The following PCMTD1 variants were observed in gnomAD, a reference collection of about 807,000 sequenced individuals.
PCMTD1 encodes protein-L-isoaspartate O-methyltransferase domain-containing protein 1.
Under a neutral mutation model 37.6 loss-of-function variants are expected in PCMTD1, and 12 were observed. The ratio of observed to expected loss-of-function variants is 0.32; its 90% CI spans 0.20 to 0.52. The LOEUF (loss-of-function observed/expected upper bound fraction) is 0.52, where lower values mean the gene tolerates loss of function less well. Among genes scored for constraint, PCMTD1 ranks in the 20% least tolerant of loss-of-function variants. The pLI is 0.97. For synonymous variants in PCMTD1, 117 were observed against 135.8 expected (o/e 0.86, Z 0.96); for missense variants, 235 against 421.3 (o/e 0.56, Z 3.87).
chr8:51,845,298 G>A (rs1460085531), intron 3 of PCMTD1: 2 of 183,642 alleles, frequency 1.1e-5, no homozygotes, highest in South Asian at 1.2e-4. Flanking sequence ...CACCTCTCAT[G>A]TCCTGAAGAG....
intron 2 of PCMTD1, among the ~76,000 whole-genome samples, chr8:51,857,009 A>G (rs2038399937): frequency 6.6e-6 from 1 of 152,264 alleles, no homozygotes; most frequent in Non-Finnish European, 1.5e-5. Flanking sequence ...CGAGCAAGAG[A>G]GAACATGCAT....
At chr8:51,870,943 G>A (rs1261181183) in intron 1 of PCMTD1, among the ~76,000 whole-genome samples, 1 of 152,030 alleles carries the variant, frequency 6.6e-6, no homozygotes. Flanking sequence ...TTACTTAATG[G>A]GGGATCTCCA....
In PCMTD1 at chr8:51,844,138, GA is replaced by G. The variant is rs948518855; in HGVS notation, c.410+1522del. Among the ~76,000 whole-genome samples, 199 of 152,124 alleles carry G rather than the reference GA, an allele frequency of 1.3e-3. 1 individual carries two copies. Among genetic ancestry groups the G allele is most frequent in the African/African-American group, 4.7e-3 (195 of 41,512 alleles). ...GCCACTATAATCCTTAAGACAGAGA[GA>G]AACAATAAAGACACAAAAAGATGCT... On this transcript the variant is annotated intron_variant, in intron 3 of 5. Coordinates refer to ENST00000522514, the MANE Select transcript of PCMTD1 (RefSeq NM_052937.4).
At chr8:51,884,915 C>A (rs890842590) in intron 1 of PCMTD1, among the ~76,000 whole-genome samples, 1 of 152,212 alleles carries the variant, frequency 6.6e-6, no homozygotes, top group Admixed American at 6.5e-5. Context: ...AATTGTAGTT[C>A]TGTAAGTAGT....
chr8:51,868,118 TTAAA>T (rs2038586025), intron 1 of PCMTD1, among the ~76,000 whole-genome samples: 1 of 152,140 alleles, frequency 6.6e-6, no homozygotes, highest in South Asian at 2.1e-4. Flanking sequence ...TTGCTAAAGA[TTAAA>T]TAGGATTTTA....
chr8:51,885,015 C>T (rs933731699), intron 1 of PCMTD1, among the ~76,000 whole-genome samples: 4 of 152,168 alleles, frequency 2.6e-5, no homozygotes, highest in African/African-American at 9.7e-5. Flanking sequence ...TTACACTAAA[C>T]ATTCTCTGCT....
intron 1 of PCMTD1, among the ~76,000 whole-genome samples, chr8:51,872,895 G>C (rs993094179): frequency 1.3e-5 from 2 of 151,988 alleles, no homozygotes; most frequent in Non-Finnish European, 2.9e-5. Context: ...ATCTTTTCTG[G>C]CTTTGGTTTT....
At chr8:51,880,596 A>G (rs2038777725) in intron 1 of PCMTD1, among the ~76,000 whole-genome samples, 4 of 152,120 alleles carry the variant, frequency 2.6e-5, no homozygotes, top group Admixed American at 1.3e-4. Flanking sequence ...TTCAATCTCC[A>G]AAGGAACAAC....
At chr8:51,848,097 A>G (rs115184280) in intron 2 of PCMTD1, among the ~76,000 whole-genome samples, 226 of 152,236 alleles carry the variant, frequency 1.5e-3, no homozygotes, top group African/African-American at 5.3e-3. Flanking sequence ...TTTGTTTTAA[A>G]AGAAGAAAGA....
chr8:51,827,103 A>G (rs979608112), intron 5 of PCMTD1: 1 of 1,003,572 alleles, frequency 1.0e-6, no homozygotes, highest in Non-Finnish European at 1.2e-6. Flanking sequence ...ACTTACTTCT[A>G]CACACCCACA....
intron 2 of PCMTD1, among the ~76,000 whole-genome samples, chr8:51,854,098 G>A (rs1030045595): frequency 1.3e-5 from 2 of 152,132 alleles, no homozygotes; most frequent in Admixed American, 6.5e-5. Flanking sequence ...AAAATGCTCA[G>A]AGAACCACCT....
At chr8:51,837,486 T>C (rs1280035324) in intron 3 of PCMTD1, among the ~76,000 whole-genome samples, 5 of 152,172 alleles carry the variant, frequency 3.3e-5, no homozygotes, top group Non-Finnish European at 5.9e-5. Context: ...AGAGAACTCA[T>C]CTGCCAAACA....
chr8:51,818,830 C>T lies in PCMTD1; in HGVS notation c.*1521G>A, dbSNP rs1350632409. The T allele has an allele frequency of 6.6e-6, 1 of 152,314 alleles. No individual in the cohort carries two copies. The highest frequency in any genetic ancestry group is 1.9e-4 in the East Asian group (1 of 5,208). 9.4% of individuals were successfully genotyped at this position (152,314 alleles called of 1,614,324 possible). On this transcript the variant is annotated 3_prime_UTR_variant, in exon 6 of 6. Coordinates refer to ENST00000522514, the MANE Select transcript of PCMTD1 (RefSeq NM_052937.4). ...ATTACTGGAGCTGAGATTTCTGAAA[C>T]AATATCTGAATCTTAGCAGAGAGAT...
In PCMTD1 at chr8:51,860,903, A is replaced by C; in HGVS notation, c.249T>G (p.Ser83=). Residue 83 remains serine, a synonymous_variant, in exon 2 of 6, where the codon TCT becomes TCG. Transcript: ENST00000522514. Reference sequence around the variant, plus strand: ...CGGTTCCACTTCCCAGGTTAAGAAAAGACAATCCTGGTTGAAGTTTCAATG... The same window carrying C: ...CGGTTCCACTTCCCAGGTTAAGAAACGACAATCCTGGTTGAAGTTTCAATG... ...MEALKLQPGL[S]FLNLGSGTGY... 6.2e-7 allele frequency: 1 copy of C among 1,614,026 alleles called. No individual in the cohort carries two copies. Among genetic ancestry groups the C allele is most frequent in the Non-Finnish European group, 8.5e-7 (1 of 1,179,912 alleles).
intron 2 of PCMTD1, among the ~76,000 whole-genome samples, chr8:51,848,219 TTTCCTATAAGACTCTTA>T (rs1421427978): frequency 6.6e-6 from 1 of 151,846 alleles, no homozygotes. Flanking sequence ...CACTCTTATG[TTTCCTATAAGACTCTTA>T]TGTTCCTGCC....
At chr8:51,841,281 C>T (rs1292697656) in intron 3 of PCMTD1, among the ~76,000 whole-genome samples, 1 of 152,122 alleles carries the variant, frequency 6.6e-6, no homozygotes, top group Non-Finnish European at 1.5e-5. Context: ...TTTATCATCT[C>T]ATTATTGTTT....
chr8:51,826,064 T>A (rs2037917272), intron 5 of PCMTD1, among the ~76,000 whole-genome samples: 1 of 152,172 alleles, frequency 6.6e-6, no homozygotes, highest in Non-Finnish European at 1.5e-5. Context: ...CACATGCACA[T>A]GTATGTTTAC....
At chr8:51,893,615 T>C (rs1459605973) in intron 1 of PCMTD1, among the ~76,000 whole-genome samples, 4 of 152,160 alleles carry the variant, frequency 2.6e-5, no homozygotes, top group African/African-American at 9.6e-5. Flanking sequence ...ATAATTCAAA[T>C]ACTAAATCAT....
chr8:51,837,429 A>G (rs2038083887), intron 3 of PCMTD1, among the ~76,000 whole-genome samples: 1 of 152,172 alleles, frequency 6.6e-6, no homozygotes, highest in Non-Finnish European at 1.5e-5. Flanking sequence ...AAATTGGACA[A>G]AAAAGGATAT....
Sources: gnomAD v4.1 joint callset for allele counts (sites outside exome capture counted in the v4.1 genomes callset) on GRCh38, gnomAD v4.1.1 for gene constraint, MANE v1.5 for transcripts, NCBI Gene and HGNC (gene_info 2026-07-23, HGNC 2026-07-21) for gene names.